The following SCARA5 variants were observed in gnomAD, a reference collection of about 807,000 sequenced individuals.
SCARA5 encodes scavenger receptor class A, member 5 (putative).
In SCARA5, 45 loss-of-function variants were observed where a neutral mutation model predicts 46.3. That is an observed-to-expected ratio of 0.97 (90% confidence interval 0.76 to 1.24). The LOEUF (loss-of-function observed/expected upper bound fraction) is 1.24. Ranked by LOEUF, SCARA5 falls within the 50% of genes most tolerant of loss-of-function variation. The pLI is 0.00. For missense variants in SCARA5, 680 were observed against 689.0 expected (o/e 0.99, Z 0.15); for synonymous variants, 333 against 306.5 (o/e 1.09, Z -0.90).
At chr8:27,921,473 TG>T in intron 4 of SCARA5, 97 bp downstream of exon 4, 2 of 973,368 alleles carry the variant, frequency 2.1e-6, no homozygotes, top group Non-Finnish European at 2.9e-6. Flanking sequence ...GGGGATGGGG[TG>T]GGGCTGGGGT....
chr8:27,918,392 C>T (rs1427201075), intron 4 of SCARA5, among the ~76,000 whole-genome samples: 3 of 151,976 alleles, frequency 2.0e-5, no homozygotes, highest in African/African-American at 7.3e-5. Context: ...CAGAGGGCCC[C>T]ATCATTATAC....
At chr8:27,984,538 A>G (rs958599338) in intron 2 of SCARA5, among the ~76,000 whole-genome samples, 1 of 152,140 alleles carries the variant, frequency 6.6e-6, no homozygotes, top group African/African-American at 2.4e-5. Context: ...CTATCCATTC[A>G]TTCATCCATC....
intron 7 of SCARA5, among the ~76,000 whole-genome samples, chr8:27,883,130 A>G (rs921992151): frequency 6.6e-6 from 1 of 152,228 alleles, no homozygotes; most frequent in African/African-American, 2.4e-5. Context: ...AGTGCTTGGC[A>G]CACAGCCTGG....
chr8:27,917,387 G>A (rs773655676), intron 4 of SCARA5, among the ~76,000 whole-genome samples: 6 of 152,160 alleles, frequency 3.9e-5, no homozygotes, highest in East Asian at 1.9e-4. Flanking sequence ...GAAAGAACCC[G>A]GATGTGAAGT....
chr8:27,942,513 C>T (rs901700095), intron 3 of SCARA5, among the ~76,000 whole-genome samples: 2 of 152,208 alleles, frequency 1.3e-5, no homozygotes, highest in Non-Finnish European at 2.9e-5. Flanking sequence ...ACCTGCCCTC[C>T]TCTGGCCATG....
intron 7 of SCARA5, among the ~76,000 whole-genome samples, chr8:27,901,910 G>A (rs570406745): frequency 3.3e-5 from 5 of 152,312 alleles, no homozygotes; most frequent in East Asian, 1.9e-4. Context: ...GCCTAAGGAC[G>A]TGAGGAAGTC....
rs73233137 is a variant in SCARA5 at position 27,871,532 on chromosome 8, T to G, written c.*402A>C. The G allele has an allele frequency of 0.089, 90,278 of 1,014,712 alleles. 4,364 individuals carry two copies. Among genetic ancestry groups the G allele is most frequent in the Non-Finnish European group, 0.098 (82,873 of 847,782 alleles). 62.9% of individuals were successfully genotyped at this position (1,014,712 alleles called of 1,614,324 possible). A position where few individuals can be genotyped will look rare whatever the true frequency, so the allele number is the denominator to read the frequency against. On this transcript the variant is annotated 3_prime_UTR_variant, in exon 9 of 9. Transcript: ENST00000354914. ...GGAGGTTTGGGAATTGTCTGAAGAG[T>G]AAATGATCTATACTACCAACCATCG...
At chr8:27,991,248 G>A (rs867529484) in intron 1 of SCARA5, among the ~76,000 whole-genome samples, 4 of 152,188 alleles carry the variant, frequency 2.6e-5, no homozygotes, top group Non-Finnish European at 5.9e-5. Flanking sequence ...TGAGCCTCCC[G>A]TGAGATAATG....
intron 3 of SCARA5, among the ~76,000 whole-genome samples, chr8:27,922,768 T>A (rs1164323879): frequency 7.2e-6 from 1 of 138,830 alleles, no homozygotes; most frequent in Non-Finnish European, 1.6e-5. Flanking sequence ...ATGTGGAAAC[T>A]TAATCACCAA....
At chr8:27,892,918 T>C (rs1283398678) in intron 7 of SCARA5, among the ~76,000 whole-genome samples, 1 of 152,162 alleles carries the variant, frequency 6.6e-6, no homozygotes, top group African/African-American at 2.4e-5. Flanking sequence ...TCACCTCTTC[T>C]TAAAGTGGAC....
At chr8:27,926,505 G>C (rs182074039) in intron 3 of SCARA5, among the ~76,000 whole-genome samples, 362 of 152,278 alleles carry the variant, frequency 2.4e-3, no homozygotes, top group Non-Finnish European at 4.2e-3. Flanking sequence ...TAAATGATGA[G>C]TTGATGTGTG....
At chr8:27,915,164 T>C (rs1807441218) in intron 4 of SCARA5, among the ~76,000 whole-genome samples, 1 of 152,174 alleles carries the variant, frequency 6.6e-6, no homozygotes, top group African/African-American at 2.4e-5. Context: ...TGAGCCCCTA[T>C]CACCTTTACA....
At chr8:27,982,501 C>T (rs926477104) in intron 2 of SCARA5, among the ~76,000 whole-genome samples, 1 of 152,162 alleles carries the variant, frequency 6.6e-6, no homozygotes, top group Non-Finnish European at 1.5e-5. Context: ...AGGAACCTTC[C>T]AGGTCCTATT....
intron 3 of SCARA5, among the ~76,000 whole-genome samples, chr8:27,960,433 T>A (rs959898402): frequency 6.6e-6 from 1 of 152,176 alleles, no homozygotes; most frequent in Non-Finnish European, 1.5e-5. Context: ...TGCCTCGGCC[T>A]CCCAAGAGCT....
intron 2 of SCARA5, among the ~76,000 whole-genome samples, chr8:27,970,125 G>A (rs1431004273): frequency 1.3e-5 from 2 of 152,162 alleles, no homozygotes; most frequent in Non-Finnish European, 2.9e-5. Context: ...CTTTGTTTGA[G>A]GGGAAGCCAG....
At chr8:27,926,413 C>G (rs934459380) in intron 3 of SCARA5, among the ~76,000 whole-genome samples, 1 of 151,724 alleles carries the variant, frequency 6.6e-6, no homozygotes, top group African/African-American at 2.4e-5. Context: ...CACTTGGACA[C>G]AGTGCAGGGA....
chr8:27,972,120 C>A (rs540336618), intron 2 of SCARA5, among the ~76,000 whole-genome samples: 1 of 152,148 alleles, frequency 6.6e-6, no homozygotes, highest in African/African-American at 2.4e-5. Flanking sequence ...AGTTCAAGAC[C>A]AGCCTGGCCA....
rs1807344601 is a variant in SCARA5, at chr8:27,909,869, C to A, written c.917-126G>T. On this transcript the variant is annotated intron_variant, in intron 4 of 8. Transcript: ENST00000354914. ...GGGCAGCATTAGCTTTGGAAACTCA[C>A]AGGAAACCCCCAGCCCAGTCTCGGG... 4.5e-5 allele frequency: 26 copies of A among 583,354 alleles called. No individual in the cohort carries two copies. In the South Asian group the frequency reaches 6.4e-4, roughly 14 times the overall value. 36.1% of individuals were successfully genotyped at this position (583,354 alleles called of 1,614,324 possible).
chr8:27,910,237 T>C (rs2685354), intron 4 of SCARA5: 145,837 of 153,364 alleles, frequency 0.95, 69,790 homozygotes, highest in East Asian at 1. Flanking sequence ...TCACCACAAC[T>C]CAGCCCTGCC....
Sources: gnomAD v4.1 joint callset for allele counts (sites outside exome capture counted in the v4.1 genomes callset) on GRCh38, gnomAD v4.1.1 for gene constraint, MANE v1.5 for transcripts, NCBI Gene and HGNC (gene_info 2026-07-23, HGNC 2026-07-21) for gene names.